The following DNAH9 variants were observed in gnomAD, a reference collection of about 807,000 sequenced individuals.
The protein encoded by DNAH9 is dynein axonemal heavy chain 9, also known as DNAH9 variant protein.
In DNAH9, 345 loss-of-function variants were observed where a neutral mutation model predicts 471.6. The ratio of observed to expected loss-of-function variants is 0.73; its 90% CI spans 0.67 to 0.80. DNAH9 has a LOEUF of 0.80. Among genes scored for constraint, DNAH9 ranks in the 30% least tolerant of loss-of-function variants. The pLI is 0.00. For synonymous variants in DNAH9, 2,093 were observed against 2,123.6 expected (o/e 0.99, Z 0.40); for missense variants, 5,407 against 5,609.2 (o/e 0.96, Z 1.15).
chr17:11,873,588 A>G (rs1361414728), intron 52 of DNAH9: 2 of 152,226 alleles, frequency 1.3e-5, no homozygotes, highest in African/African-American at 2.4e-5. Flanking sequence ...GAAGGAGTTA[A>G]AAGGGTATTT....
chr17:11,943,529 T>G (rs1211044549), intron 67 of DNAH9, among the ~76,000 whole-genome samples: 1 of 151,834 alleles, frequency 6.6e-6, no homozygotes, highest in Non-Finnish European at 1.5e-5. Flanking sequence ...ATGCAGAAAT[T>G]AGCCAGGCGT....
intron 31 of DNAH9, 56 bp downstream of exon 31, chr17:11,745,140 A>C: frequency 7.0e-7 from 1 of 1,423,460 alleles, no homozygotes; most frequent in Non-Finnish European, 9.7e-7. Flanking sequence ...TGTCCAGGAT[A>C]ATGGGTTATC....
In DNAH9 at chr17:11,708,545, T is replaced by C. The variant is rs556423722; in HGVS notation, c.5552+3360T>C. Reference sequence around the variant, plus strand: ...GTTGGGGGTGGGGGGCGTGGAGTCTTAACAGGTGTTACTTGGGCCAATTAG... The same window carrying C: ...GTTGGGGGTGGGGGGCGTGGAGTCTCAACAGGTGTTACTTGGGCCAATTAG... On this transcript the variant is annotated intron_variant, in intron 26 of 68. Transcript: ENST00000262442. Among the ~76,000 whole-genome samples the C allele has an allele frequency of 7.2e-4, 110 of 152,260 alleles. 5 individuals are homozygous for C. In the South Asian group the frequency reaches 0.022, roughly 30 times the overall value.
At chr17:11,694,228 C>A in intron 21 of DNAH9, 93 bp from the exon 22 acceptor site, 4 of 1,396,122 alleles carry the variant, frequency 2.9e-6, no homozygotes, top group Non-Finnish European at 4.0e-6. Context: ...TGCATATGTT[C>A]CGTCTATTGC....
intron 57 of DNAH9, among the ~76,000 whole-genome samples, chr17:11,889,528 C>T (rs1405410080): frequency 6.6e-6 from 1 of 152,218 alleles, no homozygotes. Flanking sequence ...TGCCACAGTC[C>T]TTATGCCTCC....
intron 35 of DNAH9, among the ~76,000 whole-genome samples, chr17:11,760,601 C>T (rs1250687776): frequency 6.6e-6 from 1 of 151,982 alleles, no homozygotes; most frequent in Non-Finnish European, 1.5e-5. Context: ...CTCACTGCAA[C>T]CTCTGCCTCC....
chr17:11,783,961 TC>T (rs1968762953), intron 40 of DNAH9, among the ~76,000 whole-genome samples: 1 of 152,116 alleles, frequency 6.6e-6, no homozygotes, highest in Non-Finnish European at 1.5e-5. Context: ...TCTGATTTGA[TC>T]CCTCTTTCTT....
In DNAH9 at chr17:11,768,479, C is replaced by T. The variant is rs1968060194; in HGVS notation, c.7197C>T (p.Ser2399=). 4 of 1,613,944 alleles carry T rather than the reference C, an allele frequency of 2.5e-6. No individual in the cohort carries two copies. The highest frequency in any genetic ancestry group is 1.1e-5 in the South Asian group (1 of 91,088). Residue 2399 remains serine, a synonymous_variant, in exon 37 of 69, where the codon AGC becomes AGT. Transcript: ENST00000262442. ...DQLVDYRAEF[S]KWWLTEFKTV... ...TTGTGGACTACCGGGCAGAGTTCAG[C>T]AAATGGTGGCTGACTGAGTTCAAAA...
intron 67 of DNAH9, among the ~76,000 whole-genome samples, chr17:11,957,714 T>C (rs1418661591): frequency 2.0e-5 from 3 of 152,164 alleles, no homozygotes; most frequent in Admixed American, 6.5e-5. Context: ...ACAATAAGCA[T>C]GCTACTTCAG....
chr17:11,693,918 T>C lies in DNAH9; in HGVS notation c.4665T>C (p.Tyr1555=). The stretch of plus-strand genomic sequence containing the variant: ...ACATTGACTTTAAAGAGCTAGCTTA[T>C]GATGCCCAGAAAATTCCAAATGTAG... ...GIDIDFKELA[Y]DAQKIPNVVQ... is the part of the protein sequence containing the mutation. The change falls in exon 21 of 69, where the codon TAT becomes TAC. Residue 1555 remains tyrosine, a synonymous_variant. Coordinates refer to ENST00000262442, the MANE Select transcript of DNAH9 (RefSeq NM_001372.4). The C allele has an allele frequency of 6.2e-7, 1 of 1,614,160 alleles. No individual in the cohort carries two copies. The highest frequency in any genetic ancestry group is 8.5e-7 in the Non-Finnish European group (1 of 1,180,012).
intron 45 of DNAH9, among the ~76,000 whole-genome samples, chr17:11,818,630 C>T (rs1294102756): frequency 1.3e-5 from 2 of 152,074 alleles, no homozygotes; most frequent in African/African-American, 4.8e-5. Context: ...GTATATGATT[C>T]CAGTCCCAGA....
chr17:11,800,540 C>A (rs1034703154), intron 43 of DNAH9, among the ~76,000 whole-genome samples: 4 of 152,164 alleles, frequency 2.6e-5, no homozygotes, highest in Non-Finnish European at 5.9e-5. Flanking sequence ...ACCCCCATTT[C>A]TCCGCTCCTA....
At chr17:11,707,335 AG>A (rs1464959596) in intron 26 of DNAH9, among the ~76,000 whole-genome samples, 1 of 152,326 alleles carries the variant, frequency 6.6e-6, no homozygotes, top group East Asian at 1.9e-4. Flanking sequence ...TCCTGTTCTC[AG>A]TGATATCACT....
chr17:11,862,352 G>A (rs1280933974), intron 50 of DNAH9, among the ~76,000 whole-genome samples: 4 of 124,684 alleles, frequency 3.2e-5, no homozygotes, highest in Admixed American at 8.4e-5. Flanking sequence ...TTATTTCTGA[G>A]GGCTCTGTTC....
intron 6 of DNAH9, chr17:11,620,021 G>A: frequency 2.0e-6 from 1 of 503,646 alleles, no homozygotes; most frequent in Non-Finnish European, 3.5e-6. Flanking sequence ...AACCAGCCGG[G>A]CCAACATGGC....
At chr17:11,949,294 T>C (rs1342198419) in intron 67 of DNAH9, among the ~76,000 whole-genome samples, 3 of 152,160 alleles carry the variant, frequency 2.0e-5, no homozygotes, top group East Asian at 1.9e-4. Context: ...GGAAGCACCT[T>C]GTAGACCCTG....
chr17:11,610,346 C>G (rs765062756), intron 2 of DNAH9, 50 bp from the exon 3 acceptor site: 2 of 1,531,560 alleles, frequency 1.3e-6, no homozygotes, highest in South Asian at 2.3e-5. Flanking sequence ...TTTCACGCCT[C>G]AGGGTTTTTG....
At chr17:11,865,225 C>CA (rs1972000426) in intron 50 of DNAH9, among the ~76,000 whole-genome samples, 1 of 152,148 alleles carries the variant, frequency 6.6e-6, no homozygotes. Context: ...CTGGTGGTGA[C>CA]AAAATCTCAG....
At position 11,784,507 on chromosome 17, in the gene DNAH9, T is replaced by G; in HGVS notation, c.8029T>G (p.Phe2677Val). The change falls in exon 41 of 69, where the codon TTC becomes GTC. Residue 2677 changes from phenylalanine to valine, a missense_variant. By Grantham distance (50) the Phe-to-Val change is conservative. Transcript: ENST00000262442. Reference protein sequence around the residue: ...LPTGIKFHYIFNLRDFANIFQ... With the variant: ...LPTGIKFHYIVNLRDFANIFQ... ...CACAGGAATCAAATTCCACTACATC[T>G]TCAACCTCAGAGATTTTGCCAACAT... 6.2e-7 allele frequency: 1 copy of G among 1,614,202 alleles called. No homozygotes were observed. The highest frequency in any genetic ancestry group is 2.2e-5 in the East Asian group (1 of 44,880).
Sources: gnomAD v4.1 joint callset for allele counts (sites outside exome capture counted in the v4.1 genomes callset) on GRCh38, gnomAD v4.1.1 for gene constraint, MANE v1.5 for transcripts, NCBI Gene and HGNC (gene_info 2026-07-23, HGNC 2026-07-21) for gene names.